The following GRM1 variants were observed in gnomAD, a reference collection of about 807,000 sequenced individuals.
The protein encoded by GRM1 is glutamate metabotropic receptor 1.
GRM1 carries 33 observed loss-of-function variants against 90.9 expected under a neutral mutation model. That is an observed-to-expected ratio of 0.36 (90% CI 0.28 to 0.49). GRM1 has a LOEUF of 0.49. GRM1 is among the 20% of genes least tolerant of loss of function. The pLI, the probability that GRM1 is intolerant of heterozygous loss-of-function variation, is 0.99. For synonymous variants in GRM1, 700 were observed against 613.2 expected (o/e 1.14, Z -2.09); for missense variants, 1,190 against 1,534.3 (o/e 0.78, Z 3.75).
chr6:146,384,725 T>C (rs1364566445), intron 5 of GRM1, among the ~76,000 whole-genome samples: 4 of 151,826 alleles, frequency 2.6e-5, no homozygotes, highest in African/African-American at 7.3e-5. Flanking sequence ...GTCAAGGGCG[T>C]TAAAACACAA....
intron 2 of GRM1, among the ~76,000 whole-genome samples, chr6:146,202,177 A>G (rs1449534968): frequency 6.6e-6 from 1 of 152,238 alleles, no homozygotes; most frequent in Non-Finnish European, 1.5e-5. Context: ...CATGCTTCAT[A>G]CACATCAATA....
chr6:146,270,835 CTGCCTTTCTTTCTT>C (rs1782089785), intron 2 of GRM1, among the ~76,000 whole-genome samples: 1 of 134,302 alleles, frequency 7.4e-6, no homozygotes, highest in Non-Finnish European at 1.5e-5. Context: ...GCCTGCCTGC[CTGCCTTTCTTTCTT>C]TTTCTTTCTT....
intron 1 of GRM1, among the ~76,000 whole-genome samples, chr6:146,152,403 ATT>A (rs1464701162): frequency 6.6e-6 from 1 of 150,456 alleles, no homozygotes; most frequent in African/African-American, 2.5e-5. Flanking sequence ...GGTAGTTTTT[ATT>A]TTTCATGTAG....
intron 1 of GRM1, among the ~76,000 whole-genome samples, chr6:146,141,891 C>T (rs963565514): frequency 3.3e-5 from 5 of 152,114 alleles, no homozygotes; most frequent in Non-Finnish European, 7.4e-5. Context: ...GTTCCTGATG[C>T]CTTATTTAGT....
chr6:146,262,712 T>C (rs1781747150), intron 2 of GRM1, among the ~76,000 whole-genome samples: 1 of 151,930 alleles, frequency 6.6e-6, no homozygotes, highest in Non-Finnish European at 1.5e-5. Flanking sequence ...ACTATAATGA[T>C]GTAACAAATA....
At chr6:146,087,114 T>C (rs1582983896) in intron 1 of GRM1, among the ~76,000 whole-genome samples, 1 of 152,136 alleles carries the variant, frequency 6.6e-6, no homozygotes, top group Admixed American at 6.6e-5. Context: ...CAATCTCAGA[T>C]AGCGGCATGT....
intron 3 of GRM1, among the ~76,000 whole-genome samples, chr6:146,349,128 G>A (rs34831231): frequency 0.2 from 29,583 of 149,566 alleles, 3,253 homozygotes; most frequent in South Asian, 0.27. Context: ...ATGCAGTGGC[G>A]CGATCTCGGC....
chr6:146,156,465 A>C (rs1777532511), intron 1 of GRM1, among the ~76,000 whole-genome samples: 1 of 152,200 alleles, frequency 6.6e-6, no homozygotes, highest in Non-Finnish European at 1.5e-5. Context: ...CCTGGGAGGC[A>C]GTACCTGGTC....
intron 1 of GRM1, among the ~76,000 whole-genome samples, chr6:146,062,332 A>G (rs1775700927): frequency 1.4e-5 from 2 of 139,836 alleles, no homozygotes; most frequent in African/African-American, 2.5e-5. Flanking sequence ...ATCACACACT[A>G]GGGCCTGTTG....
intron 1 of GRM1, 125 bp downstream of exon 1, chr6:146,030,342 A>G: frequency 1.3e-6 from 1 of 750,564 alleles, no homozygotes; most frequent in Non-Finnish European, 2.3e-6. Context: ...TACCCTTCTC[A>G]GTACTGCCCA....
chr6:146,128,013 C>T (rs1776259500), intron 1 of GRM1, among the ~76,000 whole-genome samples: 1 of 152,090 alleles, frequency 6.6e-6, no homozygotes, highest in Non-Finnish European at 1.5e-5. Context: ...TCTGCTGGAA[C>T]CTCAGAATGT....
chr6:146,361,552 T>C (rs1775471216), intron 5 of GRM1, among the ~76,000 whole-genome samples: 1 of 152,094 alleles, frequency 6.6e-6, no homozygotes, highest in Non-Finnish European at 1.5e-5. Context: ...AGGGAAGTAA[T>C]GGAGATCAGG....
intron 6 of GRM1, among the ~76,000 whole-genome samples, chr6:146,387,735 T>C (rs571554938): frequency 2.0e-4 from 31 of 151,954 alleles, no homozygotes; most frequent in South Asian, 2.1e-4. Context: ...TGGTCAGAAA[T>C]GAGAATAGAC....
chr6:146,032,972 A>G (rs187525000), intron 1 of GRM1, among the ~76,000 whole-genome samples: 1 of 152,168 alleles, frequency 6.6e-6, no homozygotes, highest in Non-Finnish European at 1.5e-5. Context: ...TTGTGTTTTA[A>G]CCAGTTACAA....
chr6:146,267,552 T>C (rs1781938485), intron 2 of GRM1, among the ~76,000 whole-genome samples: 1 of 150,494 alleles, frequency 6.6e-6, no homozygotes, highest in South Asian at 2.1e-4. Context: ...GTCCCAAAAC[T>C]GAAGAACTTG....
chr6:146,410,290 G>A (rs7743911), intron 7 of GRM1, among the ~76,000 whole-genome samples: 92,263 of 151,914 alleles, frequency 0.61, 30,244 homozygotes, highest in African/African-American at 0.87. Flanking sequence ...CGACTATTTT[G>A]CAAACTGTGG....
chr6:146,225,882 C>T (rs530947266), intron 2 of GRM1, among the ~76,000 whole-genome samples: 1 of 152,174 alleles, frequency 6.6e-6, no homozygotes, highest in South Asian at 2.1e-4. Context: ...ATGAGTATGG[C>T]AAATCTGAAC....
At chr6:146,221,048 C>T (rs918357044) in intron 2 of GRM1, among the ~76,000 whole-genome samples, 1 of 151,836 alleles carries the variant, frequency 6.6e-6, no homozygotes, top group Non-Finnish European at 1.5e-5. Flanking sequence ...CTGGTTGTGT[C>T]GTAAAAGCAA....
intron 1 of GRM1, among the ~76,000 whole-genome samples, chr6:146,121,611 G>A (rs991123266): frequency 6.6e-6 from 1 of 152,094 alleles, no homozygotes; most frequent in African/African-American, 2.4e-5. Flanking sequence ...CTTTAAATGT[G>A]TCCCAGAGAT....
Sources: gnomAD v4.1 joint callset for allele counts (sites outside exome capture counted in the v4.1 genomes callset) on GRCh38, gnomAD v4.1.1 for gene constraint, MANE v1.5 for transcripts, NCBI Gene and HGNC (gene_info 2026-07-23, HGNC 2026-07-21) for gene names.